Variants in PHACTR1 observed in about 807,000 individuals in gnomAD.
PHACTR1 encodes phosphatase and actin regulator 1, also known as RPEL repeat containing 1.
A neutral mutation model predicts 69.2 loss-of-function variants in PHACTR1; 16 were observed. That is an observed-to-expected ratio of 0.23 (90% CI 0.16 to 0.35). The LOEUF is 0.35. Among genes scored for constraint, PHACTR1 ranks in the 10% least tolerant of loss-of-function variants. The pLI, the probability that PHACTR1 is intolerant of heterozygous loss-of-function variation, is 1.00. For missense variants in PHACTR1, 510 were observed against 734.7 expected (o/e 0.69, Z 3.54); for synonymous variants, 312 against 284.5 (o/e 1.10, Z -0.97).
At chr6:13,258,132 T>G (rs911286358) in intron 10 of PHACTR1, among the ~76,000 whole-genome samples, 1 of 152,112 alleles carries the variant, frequency 6.6e-6, no homozygotes, top group African/African-American at 2.4e-5. Context: ...CCGAGGTGGA[T>G]GGATCACCTG....
intron 11 of PHACTR1, chr6:13,274,951 C>A (rs1373939658): frequency 2.0e-5 from 3 of 152,088 alleles, no homozygotes; most frequent in African/African-American, 7.3e-5. Context: ...CCCATAGGTT[C>A]TTATTTTTCC....
intron 5 of PHACTR1, among the ~76,000 whole-genome samples, chr6:13,128,538 A>G (rs1361065883): frequency 6.6e-6 from 1 of 151,944 alleles, no homozygotes; most frequent in African/African-American, 2.4e-5. Context: ...AGTCTAGAAG[A>G]AGTAGAAGAA....
chr6:12,735,865 C>A (rs937472805), intron 3 of PHACTR1, among the ~76,000 whole-genome samples: 1 of 152,126 alleles, frequency 6.6e-6, no homozygotes, highest in African/African-American at 2.4e-5. Context: ...CATTAAAGAC[C>A]TAAGTTGGGG....
intron 4 of PHACTR1, among the ~76,000 whole-genome samples, chr6:12,784,033 CACACATATCTAT>C (rs543532411): frequency 2.1e-3 from 316 of 152,054 alleles, no homozygotes; most frequent in African/African-American, 7.3e-3. Context: ...TACATATGCA[CACACATATCTAT>C]ACACATATGC....
rs552017835 is a variant in PHACTR1 at position 13,227,535 on chromosome 6, C to T, written c.987-281C>T. ...AACCATCACACCACCCACGAGGAGC[C>T]GGATTTATTATTTCCTATCCCACGC... On this transcript the variant is annotated intron_variant, in intron 8 of 14. Transcript: ENST00000332995. Among the ~76,000 whole-genome samples the T allele has an allele frequency of 3.3e-5, 5 of 152,198 alleles. No individual in the cohort carries two copies. The South Asian group carries it at 6.2e-4, about 19-fold the overall frequency.
At chr6:13,067,449 A>G (rs942770557) in intron 5 of PHACTR1, among the ~76,000 whole-genome samples, 2 of 152,322 alleles carry the variant, frequency 1.3e-5, no homozygotes, top group African/African-American at 2.4e-5. Context: ...TTTTTGACGT[A>G]TCTCTATAAA....
intron 4 of PHACTR1, among the ~76,000 whole-genome samples, chr6:12,916,278 T>C (rs1786984150): frequency 6.6e-6 from 1 of 152,310 alleles, no homozygotes; most frequent in African/African-American, 2.4e-5. Context: ...GAATTTCTCA[T>C]ACAAAACCCT....
rs551867923 is a variant in PHACTR1 at position 13,141,428 on chromosome 6, G to A, written c.416-18776G>A. Among the ~76,000 whole-genome samples, 21 of 152,278 alleles carry A rather than the reference G, an allele frequency of 1.4e-4. No individual in the cohort carries two copies. In the South Asian group the frequency reaches 3.7e-3, roughly 27 times the overall value. On this transcript the variant is annotated intron_variant, in intron 5 of 14. Transcript: ENST00000332995. ...CTGCTATTTTTATTTGTGAATTAAGGATTGCCTGTTCGTCAGCTTCCACTA... is the reference window on the plus strand; with the variant it reads ...CTGCTATTTTTATTTGTGAATTAAGAATTGCCTGTTCGTCAGCTTCCACTA...
intron 4 of PHACTR1, among the ~76,000 whole-genome samples, chr6:12,854,889 C>T (rs1449655716): frequency 6.6e-6 from 1 of 152,134 alleles, no homozygotes; most frequent in East Asian, 1.9e-4. Context: ...CAAAAAATGT[C>T]AGCTGTTGGC....
chr6:12,743,512 A>G (rs2127588952), intron 3 of PHACTR1, among the ~76,000 whole-genome samples: 1 of 152,302 alleles, frequency 6.6e-6, no homozygotes, highest in Non-Finnish European at 1.5e-5. Flanking sequence ...AAATATCTAT[A>G]TGATTCCTCT....
chr6:13,189,226 A>G (rs980897933), intron 7 of PHACTR1, among the ~76,000 whole-genome samples: 1 of 152,230 alleles, frequency 6.6e-6, no homozygotes, highest in Non-Finnish European at 1.5e-5. Context: ...TGATATTGTT[A>G]TCATTATTAC....
intron 4 of PHACTR1, among the ~76,000 whole-genome samples, chr6:13,005,960 C>T (rs1798736112): frequency 1.3e-5 from 2 of 152,166 alleles, no homozygotes; most frequent in Non-Finnish European, 2.9e-5. Context: ...ATCCTATTAC[C>T]TTGTTCCAGC....
intron 4 of PHACTR1, among the ~76,000 whole-genome samples, chr6:13,036,216 T>C (rs1803286337): frequency 6.6e-6 from 1 of 152,100 alleles, no homozygotes; most frequent in Non-Finnish European, 1.5e-5. Flanking sequence ...ATAGAACCAC[T>C]GTCAGCTGAG....
chr6:12,985,094 A>T (rs1428833102), intron 4 of PHACTR1, among the ~76,000 whole-genome samples: 1 of 152,244 alleles, frequency 6.6e-6, no homozygotes, highest in Non-Finnish European at 1.5e-5. Flanking sequence ...AAACCAACTA[A>T]AATTTATTTT....
chr6:13,225,754 G>A (rs976298434), intron 8 of PHACTR1, among the ~76,000 whole-genome samples: 51 of 152,268 alleles, frequency 3.3e-4, no homozygotes, highest in African/African-American at 1.2e-3. Flanking sequence ...CCCCAGCTCT[G>A]TGCCTTTATA....
chr6:12,955,134 T>A lies in PHACTR1; in HGVS notation c.251-98231T>A, dbSNP rs990228211. Among the ~76,000 whole-genome samples, 37 of 151,642 alleles carry A rather than the reference T, an allele frequency of 2.4e-4. 1 individual carries two copies. Among genetic ancestry groups the A allele is most frequent in the Admixed American group, 5.9e-4 (9 of 15,236 alleles). On this transcript the variant is annotated intron_variant, in intron 4 of 14. Transcript: ENST00000332995. ...TACAAAAATAATTTCCCTTAAAAAA[T>A]TTTAATATGACTACTAGAAAATTGA...
At chr6:13,218,351 T>C (rs1767993136) in intron 8 of PHACTR1, among the ~76,000 whole-genome samples, 1 of 152,182 alleles carries the variant, frequency 6.6e-6, no homozygotes, top group Non-Finnish European at 1.5e-5. Context: ...GATAAAGTGA[T>C]GATTACAAAG....
chr6:13,229,643 T>C (rs1770474447), intron 9 of PHACTR1, among the ~76,000 whole-genome samples: 1 of 152,354 alleles, frequency 6.6e-6, no homozygotes, highest in South Asian at 2.1e-4. Context: ...ACCTGCTGCC[T>C]GTTGGACTCT....
At chr6:13,075,638 G>A (rs9473421) in intron 5 of PHACTR1, among the ~76,000 whole-genome samples, 20,276 of 152,084 alleles carry the variant, frequency 0.13, 4,361 homozygotes, top group African/African-American at 0.46. Context: ...TGCCCCTTGC[G>A]GCCGTCCTTC....
Sources: gnomAD v4.1 joint callset for allele counts (sites outside exome capture counted in the v4.1 genomes callset) on GRCh38, gnomAD v4.1.1 for gene constraint, MANE v1.5 for transcripts, NCBI Gene and HGNC (gene_info 2026-07-23, HGNC 2026-07-21) for gene names.